Variants in SLC25A13 observed in about 807,000 individuals in gnomAD.
SLC25A13 encodes electrogenic aspartate/glutamate antiporter SLC25A13, mitochondrial.
In SLC25A13, 70 loss-of-function variants were observed where a neutral mutation model predicts 85.5. That is an observed-to-expected ratio of 0.82 (90% CI 0.68 to 1.00). The LOEUF (loss-of-function observed/expected upper bound fraction) is 1.00, where lower values mean the gene tolerates loss of function less well. Ranked by LOEUF, SLC25A13 falls within the 50% of genes least tolerant of loss-of-function variation. SLC25A13 has a pLI of 0.00. For missense variants in SLC25A13, 765 were observed against 819.8 expected (o/e 0.93, Z 0.82); for synonymous variants, 259 against 288.7 (o/e 0.90, Z 1.04).
At chr7:96,234,683 G>GAT in intron 4 of SLC25A13, 119 bp downstream of exon 4, 1 of 726,166 alleles carries the variant, frequency 1.4e-6, no homozygotes, top group Non-Finnish European at 2.4e-6. Flanking sequence ...TACTAAAAGG[G>GAT]ATATACTATC....
At chr7:96,286,279 C>A (rs1276064707) in intron 2 of SLC25A13, among the ~76,000 whole-genome samples, 2 of 105,886 alleles carry the variant, frequency 1.9e-5, no homozygotes, top group African/African-American at 3.5e-5. Flanking sequence ...AGTAAGACTC[C>A]ATCTCAAAAA....
chr7:96,265,841 C>G (rs926766591), intron 3 of SLC25A13, among the ~76,000 whole-genome samples: 2 of 152,152 alleles, frequency 1.3e-5, no homozygotes, highest in African/African-American at 4.8e-5. Flanking sequence ...AAGATCAAGG[C>G]AGCAGCAGGT....
At chr7:96,268,672 G>A (rs1158421592) in intron 3 of SLC25A13, among the ~76,000 whole-genome samples, 2 of 152,132 alleles carry the variant, frequency 1.3e-5, no homozygotes, top group Non-Finnish European at 2.9e-5. Flanking sequence ...CAGGCAAATC[G>A]TGCCAATCCC....
intron 3 of SLC25A13, among the ~76,000 whole-genome samples, chr7:96,264,275 T>C (rs1347444690): frequency 6.6e-6 from 1 of 152,188 alleles, no homozygotes; most frequent in African/African-American, 2.4e-5. Context: ...AGCACTCAAG[T>C]GGGTCCTGCC....
intron 3 of SLC25A13, among the ~76,000 whole-genome samples, chr7:96,269,433 T>A (rs1246390597): frequency 6.6e-6 from 1 of 152,216 alleles, no homozygotes; most frequent in African/African-American, 2.4e-5. Flanking sequence ...CAGAGACAGT[T>A]GACAACAGGG....
At chr7:96,260,691 G>A (rs1288771717) in intron 3 of SLC25A13, among the ~76,000 whole-genome samples, 5 of 151,626 alleles carry the variant, frequency 3.3e-5, no homozygotes, top group East Asian at 1.9e-4. Context: ...TGCTTATATC[G>A]CCATTCCCCA....
intron 3 of SLC25A13, among the ~76,000 whole-genome samples, chr7:96,241,207 A>G (rs1796984731): frequency 6.6e-6 from 1 of 152,162 alleles, no homozygotes; most frequent in Admixed American, 6.5e-5. Flanking sequence ...TGGGTAGCCT[A>G]TGGGTTAGCC....
intron 11 of SLC25A13, among the ~76,000 whole-genome samples, chr7:96,176,342 G>A (rs1005332138): frequency 6.6e-6 from 1 of 152,230 alleles, no homozygotes; most frequent in Non-Finnish European, 1.5e-5. Context: ...GGATGTGTGT[G>A]TTGTTTCTAA....
At chr7:96,196,349 A>G (rs1200309471) in intron 5 of SLC25A13, among the ~76,000 whole-genome samples, 2 of 152,222 alleles carry the variant, frequency 1.3e-5, no homozygotes, top group Admixed American at 6.5e-5. Flanking sequence ...TCCCTAGTTT[A>G]TAACTCAACA....
intron 5 of SLC25A13, among the ~76,000 whole-genome samples, chr7:96,199,337 G>A (rs1795170787): frequency 6.6e-6 from 1 of 152,146 alleles, no homozygotes; most frequent in Non-Finnish European, 1.5e-5. Flanking sequence ...TCATCCCACA[G>A]TGCATACAAA....
chr7:96,186,204 T>C (rs1012125295), intron 9 of SLC25A13, among the ~76,000 whole-genome samples: 8 of 152,004 alleles, frequency 5.3e-5, no homozygotes, highest in Non-Finnish European at 1.2e-4. Flanking sequence ...CCGAGGTGGG[T>C]GGATCACTTG....
At chr7:96,243,147 G>T (rs530019318) in intron 3 of SLC25A13, among the ~76,000 whole-genome samples, 22 of 152,216 alleles carry the variant, frequency 1.4e-4, no homozygotes, top group African/African-American at 4.8e-4. Flanking sequence ...TGTATTTTTA[G>T]TAGAGACAGG....
chr7:96,192,923 T>C, intron 6 of SLC25A13, 114 bp downstream of exon 6: 1 of 1,191,670 alleles, frequency 8.4e-7, no homozygotes, highest in East Asian at 2.5e-5. Context: ...TGTGATCACA[T>C]TAAAATGTTA....
At chr7:96,183,758 G>C (rs1419306738) in intron 11 of SLC25A13, among the ~76,000 whole-genome samples, 1 of 152,196 alleles carries the variant, frequency 6.6e-6, no homozygotes, top group African/African-American at 2.4e-5. Context: ...TGTCTCAGTG[G>C]GGGGAAACCT....
chr7:96,253,632 A>G (rs1331691701), intron 3 of SLC25A13, among the ~76,000 whole-genome samples: 4 of 152,350 alleles, frequency 2.6e-5, no homozygotes, highest in Middle Eastern at 3.4e-3. Context: ...GAGTGACTCT[A>G]TAACATCGAA....
intron 2 of SLC25A13, among the ~76,000 whole-genome samples, chr7:96,290,907 C>T (rs1349543446): frequency 2.0e-5 from 3 of 152,174 alleles, no homozygotes; most frequent in Admixed American, 6.5e-5. Context: ...AGGAATTGAA[C>T]TCAGCTCTGC....
At chr7:96,294,610 G>GAA (rs776263797) in intron 2 of SLC25A13, among the ~76,000 whole-genome samples, 110 of 135,068 alleles carry the variant, frequency 8.1e-4, no homozygotes, top group South Asian at 2.2e-3. Context: ...CTCTGTCTCA[G>GAA]AAAAAAAAAA....
intron 3 of SLC25A13, among the ~76,000 whole-genome samples, chr7:96,275,061 T>C (rs1282598309): frequency 6.6e-6 from 1 of 152,224 alleles, no homozygotes; most frequent in Non-Finnish European, 1.5e-5. Flanking sequence ...CATTGGTAGC[T>C]TGATGGGGAT....
intron 13 of SLC25A13, among the ~76,000 whole-genome samples, chr7:96,149,121 G>A (rs1210681629): frequency 6.6e-6 from 1 of 152,216 alleles, no homozygotes; most frequent in African/African-American, 2.4e-5. Flanking sequence ...ACCATGTGCA[G>A]TGAGGCTGAG....
Sources: gnomAD v4.1 joint callset for allele counts (sites outside exome capture counted in the v4.1 genomes callset) on GRCh38, gnomAD v4.1.1 for gene constraint, MANE v1.5 for transcripts, NCBI Gene and HGNC (gene_info 2026-07-23, HGNC 2026-07-21) for gene names.